PJA2: variants seen among roughly 807,000 people sequenced by gnomAD.
PJA2 encodes E3 ubiquitin-protein ligase Praja-2.
In PJA2, 25 loss-of-function variants were observed where a neutral mutation model predicts 69.3. The observed-to-expected ratio is 0.36, with a 90% CI of 0.26 to 0.50. PJA2 has a LOEUF of 0.50. Ranked by LOEUF, PJA2 falls within the 20% of genes least tolerant of loss-of-function variation. The pLI is 0.96. For missense variants in PJA2, 809 were observed against 830.2 expected (o/e 0.97, Z 0.31); for synonymous variants, 308 against 277.8 (o/e 1.11, Z -1.08).
intron 7 of PJA2, among the ~76,000 whole-genome samples, chr5:109,354,531 A>AGATTAGATATCTATGATATCTAGAG: frequency 2.4e-5 from 1 of 41,898 alleles, no homozygotes; most frequent in Admixed American, 2.3e-4. Context: ...AGATATCTAT[A>AGATTAGATATCTATGATATCTAGAG]ATATCTATAG....
At chr5:109,363,274 A>G (rs1762530470) in intron 5 of PJA2, among the ~76,000 whole-genome samples, 1 of 152,220 alleles carries the variant, frequency 6.6e-6, no homozygotes, top group Admixed American at 6.5e-5. Context: ...CAAATTATCT[A>G]TGCTGTTTTC....
At chr5:109,374,926 G>GT (rs1432743965) in intron 4 of PJA2, among the ~76,000 whole-genome samples, 24 of 152,098 alleles carry the variant, frequency 1.6e-4, no homozygotes, top group Admixed American at 1.5e-3. Context: ...AAAGAGCAGG[G>GT]TATTAACCTT....
rs1319257552 is a variant in PJA2, at chr5:109,336,255, C to T, written c.*976G>A. Reference sequence around the variant, plus strand: ...GTGAACTATTATGTCCATGTTTGCACATACTCGTCCACTGTGTGTGATCAC... The same window carrying T: ...GTGAACTATTATGTCCATGTTTGCATATACTCGTCCACTGTGTGTGATCAC... On this transcript the variant is annotated 3_prime_UTR_variant, in exon 10 of 10. Transcript: ENST00000361189. 2 of 152,200 alleles carry T rather than the reference C, an allele frequency of 1.3e-5. No individual in the cohort carries two copies. The highest frequency in any genetic ancestry group is 2.1e-4 in the South Asian group (1 of 4,834). 9.4% of individuals were successfully genotyped at this position (152,200 alleles called of 1,614,324 possible).
At position 109,335,756 on chromosome 5, in the gene PJA2, T is replaced by C. The variant is rs1761928883; in HGVS notation, c.*1475A>G. ...TATATACATCAGAGGGAAAACATGC[T>C]AGCTAATGCAACATTAAGGCCTGAA... is the stretch of plus-strand genomic sequence containing the variant. On this transcript the variant is annotated 3_prime_UTR_variant, in exon 10 of 10. Transcript: ENST00000361189. The C allele has an allele frequency of 6.5e-6, 1 of 152,750 alleles. No homozygotes were observed. The highest frequency in any genetic ancestry group is 2.1e-4 in the South Asian group (1 of 4,830). 9.5% of individuals were successfully genotyped at this position (152,750 alleles called of 1,614,324 possible). A position where few individuals can be genotyped will look rare whatever the true frequency, so the allele number is the denominator to read the frequency against.
At chr5:109,340,970 G>C in intron 9 of PJA2, among the ~76,000 whole-genome samples, 1 of 135,668 alleles carries the variant, frequency 7.4e-6, no homozygotes, top group Non-Finnish European at 1.7e-5. Flanking sequence ...GGAGTGCAGT[G>C]GCGTGATCTC....
rs1424482480 is a variant in PJA2 at position 109,372,897 on chromosome 5, C to G, written c.1284-4151G>C. The stretch of plus-strand genomic sequence containing the variant: ...TCCAGCCTTGGCAACTAGAGCAACA[C>G]TCCGTCTCAAAAAAAAAAAAAAAAA... On this transcript the variant is annotated intron_variant, in intron 4 of 9. Transcript: ENST00000361189. Among the ~76,000 whole-genome samples the G allele has an allele frequency of 4.5e-4, 13 of 29,002 alleles. 1 individual carries two copies. In the Admixed American group the frequency reaches 6.1e-3, roughly 14 times the overall value. 19.0% of individuals were successfully genotyped at this position (29,002 alleles called of 152,430 possible).
At chr5:109,398,050 A>C (rs1356990736) in intron 1 of PJA2, among the ~76,000 whole-genome samples, 1 of 152,222 alleles carries the variant, frequency 6.6e-6, no homozygotes, top group Non-Finnish European at 1.5e-5. Flanking sequence ...CATATGAAAA[A>C]ATGCTCATCA....
chr5:109,345,860 A>G (rs970346176), intron 7 of PJA2, among the ~76,000 whole-genome samples: 2 of 152,218 alleles, frequency 1.3e-5, no homozygotes, highest in Admixed American at 1.3e-4. Flanking sequence ...TTACTGTTCT[A>G]AGAAGGATGG....
chr5:109,396,561 G>C (rs1055390076), intron 1 of PJA2, among the ~76,000 whole-genome samples: 3 of 150,978 alleles, frequency 2.0e-5, no homozygotes, highest in Non-Finnish European at 4.4e-5. Flanking sequence ...TGAATAGCTG[G>C]GATTACAGGC....
At chr5:109,399,689 T>C (rs879421556) in intron 1 of PJA2, among the ~76,000 whole-genome samples, 1 of 152,124 alleles carries the variant, frequency 6.6e-6, no homozygotes, top group Non-Finnish European at 1.5e-5. Flanking sequence ...GTTCTGCATA[T>C]AAAGTCTGCC....
At position 109,335,726 on chromosome 5, in the gene PJA2, G is replaced by C. The variant is rs1459289618; in HGVS notation, c.*1505C>G. 1 of 152,530 alleles carries C rather than the reference G, an allele frequency of 6.6e-6. No homozygotes were observed. The highest frequency in any genetic ancestry group is 1.5e-5 in the Non-Finnish European group (1 of 68,004). The allele number at this position is 152,530 out of a possible 1,614,324, so 9.4% of individuals were successfully genotyped here. A position where few individuals can be genotyped will look rare whatever the true frequency, so the allele number is the denominator to read the frequency against. The stretch of plus-strand genomic sequence containing the variant: ...CAAGCAAAGATTAGTTTATACAACA[G>C]TGACTATATACATCAGAGGGAAAAC... On this transcript the variant is annotated 3_prime_UTR_variant, in exon 10 of 10. Coordinates refer to ENST00000361189, the MANE Select transcript of PJA2 (RefSeq NM_014819.5).
chr5:109,368,844 C>T, intron 4 of PJA2, 98 bp from the exon 5 acceptor site: 4 of 1,266,826 alleles, frequency 3.2e-6, no homozygotes, highest in South Asian at 3.1e-5. Flanking sequence ...TGTGTCCCCA[C>T]CAAATCTCAT....
chr5:109,409,670 C>G (rs906937866), intron 1 of PJA2, among the ~76,000 whole-genome samples, 172 bp downstream of exon 1: 20 of 152,226 alleles, frequency 1.3e-4, no homozygotes, highest in African/African-American at 4.8e-4. Flanking sequence ...CCTCCCACAG[C>G]CATCAACCCC....
At chr5:109,407,673 G>A (rs1030249280) in intron 1 of PJA2, among the ~76,000 whole-genome samples, 1 of 152,036 alleles carries the variant, frequency 6.6e-6, no homozygotes, top group African/African-American at 2.4e-5. Flanking sequence ...TCTGATACAT[G>A]ATAGAAAACT....
At position 109,378,372 on chromosome 5, in the gene PJA2, T is replaced by G. The variant is rs755382537; in HGVS notation, c.1115A>C (p.Asp372Ala). The G allele has an allele frequency of 6.2e-7, 1 of 1,614,206 alleles. No homozygotes were observed. Among genetic ancestry groups the G allele is most frequent in the Non-Finnish European group, 8.5e-7 (1 of 1,180,020 alleles). The change falls in exon 4 of 10, where the codon GAC becomes GCC. Residue 372 changes from aspartate to alanine, a missense_variant. By Grantham distance (126) the Asp-to-Ala change is moderately radical. This residue lies in a region of PJA2 where 700 missense variants were observed against 639.5 expected (regional missense o/e 1.09). Transcript: ENST00000361189. ...IKCEEYDGEH[D>A]CMFLDPPYSR... ...GTATGGTGGATCCAAGAACATACAG[T>G]CATGCTCTCCATCATATTCTTCACA...
At chr5:109,405,071 CAAAT>C (rs750224756) in intron 1 of PJA2, among the ~76,000 whole-genome samples, 15 of 152,190 alleles carry the variant, frequency 9.9e-5, no homozygotes, top group South Asian at 8.3e-4. Flanking sequence ...AAAATTTACT[CAAAT>C]GAATGAATTT....
chr5:109,373,146 G>C (rs566824650), intron 4 of PJA2, among the ~76,000 whole-genome samples: 45 of 152,174 alleles, frequency 3.0e-4, no homozygotes, highest in Non-Finnish European at 5.0e-4. Context: ...GCAGTAAGAA[G>C]AGTGGATAGT....
At chr5:109,357,125 G>A (rs537139118) in intron 6 of PJA2, among the ~76,000 whole-genome samples, 6 of 152,098 alleles carry the variant, frequency 3.9e-5, no homozygotes, top group East Asian at 3.9e-4. Flanking sequence ...AACTTCCCCC[G>A]AAGCTCTTGA....
At chr5:109,396,360 A>G (rs1189591681) in intron 1 of PJA2, among the ~76,000 whole-genome samples, 1 of 151,424 alleles carries the variant, frequency 6.6e-6, no homozygotes, top group Non-Finnish European at 1.5e-5. Context: ...CTGAATGGTG[A>G]AATGTCAGCA....
Sources: gnomAD v4.1 joint callset for allele counts (sites outside exome capture counted in the v4.1 genomes callset) on GRCh38, gnomAD v4.1.1 for gene constraint, gnomAD v4.1.1 regional missense constraint, MANE v1.5 for transcripts, NCBI Gene and HGNC (gene_info 2026-07-23, HGNC 2026-07-21) for gene names.